The following FAM219A variants were observed in gnomAD, a reference collection of about 807,000 sequenced individuals.
FAM219A encodes protein FAM219A.
In FAM219A, 7 loss-of-function variants were observed where a neutral mutation model predicts 23.4. The observed-to-expected ratio is 0.30, with a 90% CI of 0.17 to 0.56. The LOEUF (loss-of-function observed/expected upper bound fraction) is 0.56. FAM219A is among the 20% of genes least tolerant of loss of function. FAM219A has a pLI of 0.92. For synonymous variants in FAM219A, 93 were observed against 99.0 expected, an observed-to-expected ratio of 0.94 and a Z score of 0.36; for missense variants, 166 against 246.9, an observed-to-expected ratio of 0.67 and a Z score of 2.20.
chr9:34,428,756 A>T (rs1364282298), intron 1 of FAM219A, among the ~76,000 whole-genome samples: 1 of 152,118 alleles, frequency 6.6e-6, no homozygotes, highest in Non-Finnish European at 1.5e-5. Flanking sequence ...CTTGAACAAA[A>T]CCCAACACAA....
intron 1 of FAM219A, among the ~76,000 whole-genome samples, chr9:34,445,594 T>G (rs1161286281): frequency 6.6e-6 from 1 of 152,168 alleles, no homozygotes; most frequent in Non-Finnish European, 1.5e-5. Flanking sequence ...AAAGTTGGCT[T>G]GAATGGTAGC....
At chr9:34,431,835 G>A (rs1045700257) in intron 1 of FAM219A, among the ~76,000 whole-genome samples, 1 of 152,238 alleles carries the variant, frequency 6.6e-6, no homozygotes, top group Non-Finnish European at 1.5e-5. Flanking sequence ...GAGCTATCCA[G>A]TGTTAACCTC....
intron 2 of FAM219A, among the ~76,000 whole-genome samples, chr9:34,404,684 G>A (rs890698461): frequency 6.6e-6 from 1 of 151,618 alleles, no homozygotes; most frequent in African/African-American, 2.4e-5. Context: ...CTCCAGCCTG[G>A]ACAACAGAGA....
chr9:34,399,170 G>A lies in FAM219A; in HGVS notation c.*1794C>T, dbSNP rs1406282641. On this transcript the variant is annotated 3_prime_UTR_variant, in exon 6 of 6. Transcript: ENST00000651358. ...GCCTGCAGCATGTGAGTGGATCCATGGGAGTGGATCCACCAGCACATGTGG... is the reference window on the plus strand; with the variant it reads ...GCCTGCAGCATGTGAGTGGATCCATAGGAGTGGATCCACCAGCACATGTGG... The A allele has an allele frequency of 2.0e-5, 3 of 152,226 alleles. No individual in the cohort carries two copies. The highest frequency in any genetic ancestry group is 7.2e-5 in the African/African-American group (3 of 41,398). The allele number at this position is 152,226 out of a possible 1,614,324, so 9.4% of individuals were successfully genotyped here. A position where few individuals can be genotyped will look rare whatever the true frequency, so the allele number is the denominator to read the frequency against.
rs192897788 is a variant in FAM219A, at chr9:34,452,707, T to C, written c.60+5497A>G. Among the ~76,000 whole-genome samples, 87 of 152,370 alleles carry C rather than the reference T, an allele frequency of 5.7e-4. 1 individual carries two copies. Among genetic ancestry groups the C allele is most frequent in the Admixed American group, 1.4e-3 (22 of 15,314 alleles). On this transcript the variant is annotated intron_variant, in intron 1 of 5. Coordinates refer to ENST00000651358, the MANE Select transcript of FAM219A (RefSeq NM_001184940.2). ...ATTATAACTCTTCATTCATTCCAAATGCACTCCTTTGTTTCTTCTTCCATG... is the reference window on the plus strand; with the variant it reads ...ATTATAACTCTTCATTCATTCCAAACGCACTCCTTTGTTTCTTCTTCCATG...
At chr9:34,420,068 T>C (rs1170972581) in intron 1 of FAM219A, among the ~76,000 whole-genome samples, 1 of 152,228 alleles carries the variant, frequency 6.6e-6, no homozygotes, top group African/African-American at 2.4e-5. Flanking sequence ...CTTTCCTTTT[T>C]GTCATCCCAA....
chr9:34,410,581 C>T (rs1821787714), intron 1 of FAM219A, among the ~76,000 whole-genome samples: 3 of 152,182 alleles, frequency 2.0e-5, no homozygotes, highest in Admixed American at 2.0e-4. Flanking sequence ...ATCTGATTCT[C>T]ATAAGTACCC....
chr9:34,446,923 C>G (rs1177363520), intron 1 of FAM219A, among the ~76,000 whole-genome samples: 1 of 152,150 alleles, frequency 6.6e-6, no homozygotes, highest in Non-Finnish European at 1.5e-5. Context: ...AACTGAATTC[C>G]ATGCTTCTAT....
Position 34,406,014 on chromosome 9 carries a change from G to C in FAM219A, c.61-50C>G, listed in dbSNP as rs370530537. On this transcript the variant is annotated intron_variant, in intron 1 of 5. Transcript: ENST00000651358. ...GAGAGTTGTTAGGGAGTGAAGACAGGGGGCTGCTCTCAGTCCTGAAGCTAG... is the reference window on the plus strand; with the variant it reads ...GAGAGTTGTTAGGGAGTGAAGACAGCGGGCTGCTCTCAGTCCTGAAGCTAG... 94 of 1,530,480 alleles carry C rather than the reference G, an allele frequency of 6.1e-5. No individual in the cohort carries two copies. The African/African-American group carries it at 1.1e-3, about 19-fold the overall frequency. The allele number at this position is 1,530,480 out of a possible 1,614,324, so 94.8% of individuals were successfully genotyped here.
intron 1 of FAM219A, among the ~76,000 whole-genome samples, chr9:34,418,370 C>G (rs1031008221): frequency 6.6e-6 from 1 of 152,170 alleles, no homozygotes; most frequent in Admixed American, 6.5e-5. Context: ...AAAACCCTGT[C>G]ATAAAAAATT....
chr9:34,432,762 T>C (rs770895881), intron 1 of FAM219A, among the ~76,000 whole-genome samples: 21 of 152,202 alleles, frequency 1.4e-4, no homozygotes, highest in Non-Finnish European at 2.8e-4. Context: ...GCCTTTTAAC[T>C]ATCTGTATCT....
intron 4 of FAM219A, 54 bp downstream of exon 4, chr9:34,402,333 G>A (rs971737449): frequency 1.9e-6 from 3 of 1,614,168 alleles, no homozygotes; most frequent in Non-Finnish European, 2.5e-6. Flanking sequence ...CAGCCCACTT[G>A]TGCTATACAG....
intron 1 of FAM219A, among the ~76,000 whole-genome samples, chr9:34,455,832 T>C (rs1823710172): frequency 2.0e-5 from 3 of 152,190 alleles, no homozygotes; most frequent in Admixed American, 2.0e-4. Context: ...AGCGGGGCAA[T>C]GTCTATGACC....
chr9:34,434,117 G>A (rs1218460300), intron 1 of FAM219A, among the ~76,000 whole-genome samples: 3 of 151,144 alleles, frequency 2.0e-5, no homozygotes, highest in Non-Finnish European at 4.4e-5. Flanking sequence ...CAGGAGAATG[G>A]CGTGAACCCG....
At chr9:34,413,158 G>A (rs146163762) in intron 1 of FAM219A, among the ~76,000 whole-genome samples, 6 of 151,396 alleles carry the variant, frequency 4.0e-5, no homozygotes, top group African/African-American at 1.5e-4. Flanking sequence ...CAGAAGGGAG[G>A]TAAGGAAGGT....
chr9:34,444,067 C>A (rs768887240), intron 1 of FAM219A, among the ~76,000 whole-genome samples: 2 of 152,330 alleles, frequency 1.3e-5, no homozygotes, highest in South Asian at 4.1e-4. Context: ...CCCCACTTGG[C>A]CTTTCACTGA....
chr9:34,402,325 G>T, intron 4 of FAM219A, 62 bp downstream of exon 4: 1 of 1,614,146 alleles, frequency 6.2e-7, no homozygotes, highest in Non-Finnish European at 8.5e-7. Flanking sequence ...GGCCTGTACA[G>T]CCCACTTGTG....
chr9:34,443,802 G>A (rs1249544994), intron 1 of FAM219A, among the ~76,000 whole-genome samples: 2 of 151,728 alleles, frequency 1.3e-5, no homozygotes, highest in African/African-American at 4.8e-5. Flanking sequence ...AATTCCTCCT[G>A]TGGGAGCTTC....
At chr9:34,402,145 G>A in intron 4 of FAM219A, 3 of 1,449,430 alleles carry the variant, frequency 2.1e-6, no homozygotes, top group Non-Finnish European at 2.7e-6. Flanking sequence ...GACAACCATT[G>A]GATCAGTTGT....
Sources: gnomAD v4.1 joint callset for allele counts (sites outside exome capture counted in the v4.1 genomes callset) on GRCh38, gnomAD v4.1.1 for gene constraint, MANE v1.5 for transcripts, NCBI Gene and HGNC (gene_info 2026-07-23, HGNC 2026-07-21) for gene names.